Variants in MTRF1 observed in about 807,000 individuals in gnomAD.
MTRF1 encodes the protein peptide chain release factor 1, mitochondrial.
MTRF1 carries 51 observed loss-of-function variants against 62.9 expected under a neutral mutation model. The observed-to-expected ratio is 0.81, with a 90% confidence interval of 0.65 to 1.02. MTRF1 has a LOEUF of 1.02. Among genes scored for constraint, MTRF1 ranks in the 50% least tolerant of loss-of-function variants. The pLI, the probability that MTRF1 is intolerant of heterozygous loss-of-function variation, is 0.00. For synonymous variants in MTRF1, 158 were observed against 181.9 expected (o/e 0.87, Z 1.06); for missense variants, 446 against 530.0 (o/e 0.84, Z 1.56).
intron 2 of MTRF1, among the ~76,000 whole-genome samples, chr13:41,256,129 A>G (rs1199796085): frequency 6.6e-6 from 1 of 152,164 alleles, no homozygotes; most frequent in South Asian, 2.1e-4. Context: ...GACAACGAAG[A>G]AAAAAACATG....
the MTRF1 span, among the ~76,000 whole-genome samples, chr13:41,273,305 T>A: frequency 4.5e-3 from 672 of 149,132 alleles, 7 homozygotes; most frequent in Middle Eastern, 0.018. Context: ...CAGCCTGGGC[T>A]ACAGAGCGAG....
At chr13:41,220,791 A>C in intron 9 of MTRF1, 2 of 374,944 alleles carry the variant, frequency 5.3e-6, no homozygotes, top group Non-Finnish European at 1.0e-5. Context: ...CTAACCTCTT[A>C]CATGCTTTAT....
the MTRF1 span, among the ~76,000 whole-genome samples, chr13:41,306,212 C>T: frequency 6.6e-6 from 1 of 152,058 alleles, no homozygotes; most frequent in Non-Finnish European, 1.5e-5. Context: ...GAAACCCCGT[C>T]TCTACTAAAA....
intron 5 of MTRF1, among the ~76,000 whole-genome samples, chr13:41,249,631 T>TC (rs1397513674): frequency 1.6e-5 from 2 of 124,000 alleles, no homozygotes; most frequent in South Asian, 6.0e-4. Context: ...TTTTTTTTTT[T>TC]TTTTTTTTTT....
At chr13:41,238,220 A>C (rs1398916140) in intron 6 of MTRF1, among the ~76,000 whole-genome samples, 1 of 152,204 alleles carries the variant, frequency 6.6e-6, no homozygotes, top group African/African-American at 2.4e-5. Flanking sequence ...GCAGGATAGT[A>C]CAAAATGGGC....
At chr13:41,255,126 A>G (rs1371989948) in intron 2 of MTRF1, among the ~76,000 whole-genome samples, 1 of 152,240 alleles carries the variant, frequency 6.6e-6, no homozygotes, top group Non-Finnish European at 1.5e-5. Context: ...GACATGGTCC[A>G]GCACAGCTAC....
At chr13:41,289,177 G>A in the MTRF1 span, among the ~76,000 whole-genome samples, 89 of 151,498 alleles carry the variant, frequency 5.9e-4, no homozygotes, top group Admixed American at 2.2e-3. Flanking sequence ...CTTATTCTAC[G>A]CAACAACAAC....
intron 5 of MTRF1, among the ~76,000 whole-genome samples, chr13:41,244,067 A>G (rs551191377): frequency 5.3e-5 from 8 of 152,234 alleles, no homozygotes; most frequent in South Asian, 2.1e-4. Context: ...TTATTTTGCT[A>G]TCTCTCATTT....
the MTRF1 span, among the ~76,000 whole-genome samples, chr13:41,306,437 C>T: frequency 7.9e-5 from 12 of 151,504 alleles, no homozygotes; most frequent in Non-Finnish European, 1.8e-4. Flanking sequence ...AGAGCAGAAA[C>T]ATCAGGGAGT....
At chr13:41,223,414 A>C (rs1002593012) in intron 8 of MTRF1, 60 bp from the exon 9 acceptor site, 18 of 1,343,030 alleles carry the variant, frequency 1.3e-5, no homozygotes, top group Non-Finnish European at 1.9e-5. Context: ...ATTACAATGG[A>C]AAAAGCACTT....
the MTRF1 span, among the ~76,000 whole-genome samples, chr13:41,281,372 A>T: frequency 1.1e-4 from 17 of 151,434 alleles, no homozygotes; most frequent in East Asian, 7.8e-4. Flanking sequence ...TTTGTTTGTT[A>T]GTTTTTGTTT....
chr13:41,297,679 G>C, the MTRF1 span, among the ~76,000 whole-genome samples: 1 of 151,786 alleles, frequency 6.6e-6, no homozygotes, highest in Non-Finnish European at 1.5e-5. Context: ...GGGTTCAAGT[G>C]GTTCTCCTGC....
chr13:41,264,399 A>C (rs2040769220), upstream of MTRF1, among the ~76,000 whole-genome samples: 1 of 152,258 alleles, frequency 6.6e-6, no homozygotes, highest in Non-Finnish European at 1.5e-5. Context: ...AAATGCAAGC[A>C]TATTGTCCTA....
the MTRF1 span, among the ~76,000 whole-genome samples, chr13:41,290,498 G>A: frequency 5.6e-4 from 83 of 147,808 alleles, 1 homozygote; most frequent in South Asian, 5.2e-3. Context: ...GGTCCTAAGC[G>A]ATTCTCCTGC....
chr13:41,259,279 CA>C (rs1212838531), intron 2 of MTRF1, among the ~76,000 whole-genome samples: 1 of 152,080 alleles, frequency 6.6e-6, no homozygotes, highest in Admixed American at 6.5e-5. Flanking sequence ...AACTTGTACA[CA>C]AAAGTTCACA....
At chr13:41,309,487 G>T in the MTRF1 span, among the ~76,000 whole-genome samples, 1 of 151,968 alleles carries the variant, frequency 6.6e-6, no homozygotes, top group Non-Finnish European at 1.5e-5. Flanking sequence ...ACTGCACCTG[G>T]CTGTGCATGT....
chr13:41,260,251 G>A (rs1420493449), intron 2 of MTRF1, among the ~76,000 whole-genome samples: 2 of 151,946 alleles, frequency 1.3e-5, no homozygotes, highest in African/African-American at 4.8e-5. Flanking sequence ...AATAGTCCTA[G>A]CTACTCAGGA....
At chr13:41,296,203 C>G in the MTRF1 span, among the ~76,000 whole-genome samples, 1 of 152,182 alleles carries the variant, frequency 6.6e-6, no homozygotes, top group Non-Finnish European at 1.5e-5. Context: ...GCCTTGACCT[C>G]TCAATGTGCT....
In MTRF1 at chr13:41,252,505, G is replaced by A. The variant is rs1057309404; in HGVS notation, c.697+140C>T. On this transcript the variant is annotated intron_variant, in intron 5 of 9. Coordinates refer to ENST00000379480, the MANE Select transcript of MTRF1 (RefSeq NM_004294.4). The stretch of plus-strand genomic sequence containing the variant: ...CTCTGCTATAATAGTAAGCCACTGT[G>A]ATTGATGAGCCTATGCCACAGTGTT... 2.3e-4 allele frequency: 124 copies of A among 550,424 alleles called. 1 individual carries two copies. The highest frequency in any genetic ancestry group is 1.2e-3 in the South Asian group (39 of 32,934). 34.1% of individuals were successfully genotyped at this position (550,424 alleles called of 1,614,324 possible).
Sources: allele counts gnomAD v4.1 joint callset (sites outside exome capture counted in the v4.1 genomes callset), GRCh38; gene constraint gnomAD v4.1.1; transcripts MANE v1.5; gene names NCBI Gene and HGNC (gene_info 2026-07-23, HGNC 2026-07-21).